The following OCA2 variants were observed in gnomAD, a reference collection of about 807,000 sequenced individuals.
OCA2 encodes the protein P protein.
In OCA2, 77 loss-of-function variants were observed where a neutral mutation model predicts 100.2. The observed-to-expected ratio is 0.77, with a 90% CI of 0.64 to 0.93. The LOEUF (loss-of-function observed/expected upper bound fraction) is 0.93, where lower values mean the gene tolerates loss of function less well. Ranked by LOEUF, OCA2 falls within the 40% of genes least tolerant of loss-of-function variation. The probability of loss-of-function intolerance (pLI) is 0.00; values close to 1 mark genes in which losing one functional copy is unlikely to be tolerated. For synonymous variants in OCA2, 432 were observed against 439.2 expected (o/e 0.98, Z 0.21); for missense variants, 1,062 against 1,089.1 (o/e 0.98, Z 0.35).
chr15:28,021,838 A>AG (rs978504043), intron 6 of OCA2, among the ~76,000 whole-genome samples: 7 of 152,198 alleles, frequency 4.6e-5, no homozygotes, highest in African/African-American at 1.2e-4. Flanking sequence ...CCCCAGTGGG[A>AG]GGGGTGGGCA....
In OCA2 at chr15:27,871,138, G is replaced by A. The variant is rs924714910; in HGVS notation, c.2244+16C>T. The A allele has an allele frequency of 1.9e-6, 3 of 1,593,522 alleles. No homozygotes were observed. The highest frequency in any genetic ancestry group is 2.6e-6 in the Non-Finnish European group (3 of 1,161,172). The stretch of plus-strand genomic sequence containing the variant: ...AGGCTAAAGTTGAGCCGTCGACATG[G>A]ACATGTGCAACTCACCATGGTAGCA... On this transcript the variant is annotated intron_variant, in intron 21 of 23. Coordinates refer to ENST00000354638, the MANE Select transcript of OCA2 (RefSeq NM_000275.3).
At chr15:27,777,061 C>T (rs1245207780) in intron 23 of OCA2, among the ~76,000 whole-genome samples, 1 of 152,022 alleles carries the variant, frequency 6.6e-6, no homozygotes, top group African/African-American at 2.4e-5. Context: ...CCACACATCC[C>T]CATCGGCGCC....
At chr15:27,945,058 T>C (rs779543261) in intron 18 of OCA2, among the ~76,000 whole-genome samples, 17 of 152,332 alleles carry the variant, frequency 1.1e-4, no homozygotes, top group Non-Finnish European at 2.1e-4. Context: ...ACTGCCTGCA[T>C]GTGTTGTACA....
intron 23 of OCA2, among the ~76,000 whole-genome samples, chr15:27,776,974 T>TGG (rs368182175): frequency 2.6e-3 from 111 of 43,204 alleles, no homozygotes; most frequent in East Asian, 9.7e-3. Flanking sequence ...GAGCGTGAGG[T>TGG]GGGGGGGGGT....
At chr15:27,729,128 C>T in the OCA2 span, among the ~76,000 whole-genome samples, 19 of 152,246 alleles carry the variant, frequency 1.2e-4, no homozygotes, top group Non-Finnish European at 2.2e-4. Context: ...TACCACATTC[C>T]CTAATTTCTT....
chr15:27,957,658 G>A lies in OCA2; in HGVS notation c.1714C>T (p.Arg572Cys), dbSNP rs374415755. 3.7e-5 allele frequency: 60 copies of A among 1,612,914 alleles called. No homozygotes were observed. Among genetic ancestry groups the A allele is most frequent in the Middle Eastern group, 3.3e-4 (2 of 6,082 alleles). Residue 572 changes from arginine to cysteine, a missense_variant, in exon 16 of 24, where the codon CGC (arginine) becomes TGC (cysteine). Transcript: ENST00000354638. The surrounding 1 kb of genome is among the most constrained non-coding windows in gnomAD (Gnocchi z 4.3). ...SPASREETAV[R>C]RLLLGKVLAL... The stretch of plus-strand genomic sequence containing the variant: ...AGCACCTTCCCCAGCAGCAGGCGGC[G>A]CACAGCTGTCTCCTCGCGGCTGGCC...
chr15:28,089,386 T>C (rs539119566), intron 1 of OCA2, among the ~76,000 whole-genome samples: 2 of 152,304 alleles, frequency 1.3e-5, no homozygotes, highest in African/African-American at 4.8e-5. Flanking sequence ...TAAGTGTCCA[T>C]GAAATCTTCA....
In OCA2 at chr15:28,016,136, T is replaced by C. The variant is rs2042384440; in HGVS notation, c.858A>G (p.Ser286=). 1 of 1,614,226 alleles carries C rather than the reference T, an allele frequency of 6.2e-7. No individual in the cohort carries two copies. The highest frequency in any genetic ancestry group is 8.5e-7 in the Non-Finnish European group (1 of 1,180,038). Residue 286 remains serine (S), a synonymous_variant, in exon 8 of 24, where the codon TCA becomes TCG. Transcript: ENST00000354638. Reference sequence around the variant, plus strand: ...GTACCTCAAAGGTCCTGCTCATCACTGAGTGCTCGCTTCTCCTCGGATTTA... The same window carrying C: ...GTACCTCAAAGGTCCTGCTCATCACCGAGTGCTCGCTTCTCCTCGGATTTA... ...VYLNPRRSEH[S]VMSRTFEVLT...
At chr15:27,991,966 G>T (rs1426446779) in intron 9 of OCA2, among the ~76,000 whole-genome samples, 1 of 152,132 alleles carries the variant, frequency 6.6e-6, no homozygotes. Flanking sequence ...GTGATACTAG[G>T]TGTTGGCTTT....
At chr15:27,726,190 C>T in the OCA2 span, among the ~76,000 whole-genome samples, 65 of 152,044 alleles carry the variant, frequency 4.3e-4, 3 homozygotes, top group African/African-American at 1.2e-3. Context: ...CCCAGCTACT[C>T]GGGAGGCTGA....
intron 23 of OCA2, among the ~76,000 whole-genome samples, chr15:27,789,169 T>C (rs979123755): frequency 6.7e-6 from 1 of 148,990 alleles, no homozygotes; most frequent in Non-Finnish European, 1.5e-5. Flanking sequence ...TATAGCTATA[T>C]AGATGTATAT....
chr15:27,755,791 T>G (rs1389525467), intron 23 of OCA2, among the ~76,000 whole-genome samples: 1 of 152,178 alleles, frequency 6.6e-6, no homozygotes, highest in East Asian at 1.9e-4. Flanking sequence ...GGGCCACCAT[T>G]TAAATCTCTG....
At chr15:27,961,756 C>CAT (rs1459931591) in intron 15 of OCA2, among the ~76,000 whole-genome samples, 1 of 151,890 alleles carries the variant, frequency 6.6e-6, no homozygotes, top group Non-Finnish European at 1.5e-5. Flanking sequence ...AATGAGAACA[C>CAT]ATGGACACAG....
At chr15:27,798,037 C>T (rs1279573670) in intron 23 of OCA2, among the ~76,000 whole-genome samples, 1 of 152,230 alleles carries the variant, frequency 6.6e-6, no homozygotes, top group Non-Finnish European at 1.5e-5. Context: ...CCAGGGTGTG[C>T]AGGGTGGGCA....
At chr15:28,037,836 G>A (rs934543491) in intron 2 of OCA2, among the ~76,000 whole-genome samples, 68 of 152,198 alleles carry the variant, frequency 4.5e-4, no homozygotes, top group African/African-American at 1.6e-3. Flanking sequence ...CCACCAGAAG[G>A]CAACACATCC....
At position 27,770,811 on chromosome 15, in the gene OCA2, TTCCTC is replaced by T. The variant is rs1235950444; in HGVS notation, c.2433-15344_2433-15340del. ...CTTCCTCCCTCCCTCTTTTCCTTCC[TTCCTC>T]CCTTCCATTCTTCCTTCCTCCCTCT... On this transcript the variant is annotated intron_variant, in intron 23 of 23. Coordinates refer to ENST00000354638, the MANE Select transcript of OCA2 (RefSeq NM_000275.3). Among the ~76,000 whole-genome samples, 325 of 120,890 alleles carry T rather than the reference TTCCTC, an allele frequency of 2.7e-3. 4 individuals carry two copies. Among genetic ancestry groups the T allele is most frequent in the African/African-American group, 9.8e-3 (308 of 31,368 alleles). 79.3% of individuals were successfully genotyped at this position (120,890 alleles called of 152,430 possible).
intron 9 of OCA2, among the ~76,000 whole-genome samples, chr15:27,998,798 C>G (rs1425953080): frequency 6.9e-6 from 1 of 145,748 alleles, no homozygotes; most frequent in East Asian, 2.0e-4. Flanking sequence ...TGGAACCAAC[C>G]CAAATGTCCA....
intron 14 of OCA2, among the ~76,000 whole-genome samples, chr15:27,972,053 T>C (rs975777947): frequency 4.6e-5 from 7 of 152,354 alleles, no homozygotes; most frequent in African/African-American, 1.7e-4. Flanking sequence ...CTCCCACTTA[T>C]ATGTGAGAAC....
intron 9 of OCA2, among the ~76,000 whole-genome samples, chr15:28,008,142 T>C (rs1251028650): frequency 2.0e-5 from 3 of 152,228 alleles, no homozygotes; most frequent in Admixed American, 6.5e-5. Flanking sequence ...ATAAGTGAGA[T>C]GGAGCGCCCA....
Sources: gnomAD v4.1 joint callset for allele counts (sites outside exome capture counted in the v4.1 genomes callset) on GRCh38, gnomAD v4.1.1 for gene constraint, Gnocchi (gnomAD v3.1) non-coding constraint, MANE v1.5 for transcripts, NCBI Gene and HGNC (gene_info 2026-07-23, HGNC 2026-07-21) for gene names.